ST6GALNAC3: variants seen among roughly 807,000 people sequenced by gnomAD.
ST6GALNAC3 encodes the protein alpha-N-acetylgalactosaminide alpha-2,6-sialyltransferase 3.
ST6GALNAC3 carries 25 observed loss-of-function variants against 32.7 expected under a neutral mutation model. That is an observed-to-expected ratio of 0.76 (90% confidence interval 0.56 to 1.07). The LOEUF is 1.07. Among genes scored for constraint, ST6GALNAC3 ranks in the 50% least tolerant of loss-of-function variants. The pLI is 0.00. For synonymous variants in ST6GALNAC3, 129 were observed against 133.1 expected, an observed-to-expected ratio of 0.97 and a Z score of 0.21; for missense variants, 355 against 382.4, an observed-to-expected ratio of 0.93 and a Z score of 0.60.
Position 76,628,896 on chromosome 1 carries a change from G to A in ST6GALNAC3, c.*90G>A. 1 of 1,562,190 alleles carries A rather than the reference G, an allele frequency of 6.4e-7. No homozygotes were observed. The highest frequency in any genetic ancestry group is 1.4e-5 in the African/African-American group (1 of 72,098). ...TGATGCTAATGGAGATGATGGTAAT[G>A]ATAAAGACAACAACAATGATTATCA... On this transcript the variant is annotated 3_prime_UTR_variant, in exon 5 of 5. Transcript: ENST00000328299.
In ST6GALNAC3 at chr1:76,169,788, T is replaced by G. The variant is rs144466894; in HGVS notation, c.18+94904T>G. Among the ~76,000 whole-genome samples, 620 of 152,326 alleles carry G rather than the reference T, an allele frequency of 4.1e-3. 4 individuals are homozygous for G. The highest frequency in any genetic ancestry group is 9.1e-3 in the African/African-American group (380 of 41,578). On this transcript the variant is annotated intron_variant, in intron 1 of 4. Coordinates refer to ENST00000328299, the MANE Select transcript of ST6GALNAC3 (RefSeq NM_152996.4). ...TTTGCATTATGAAATTCTTGTAGTG[T>G]GTTTTTCAGCTCTGTCAGGTTGGTT...
Position 76,627,375 on chromosome 1 carries a change from TC to T in ST6GALNAC3, c.624-76del. 4.3e-6 allele frequency: 4 copies of T among 927,654 alleles called. No individual in the cohort carries two copies. The South Asian group carries it at 6.0e-5, about 14-fold the overall frequency. The allele number at this position is 927,654 out of a possible 1,614,324, so 57.5% of individuals were successfully genotyped here. A position where few individuals can be genotyped will look rare whatever the true frequency, so the allele number is the denominator to read the frequency against. ...TGTTTTTGATGAAATGTTGCTCGTT[TC>T]TCACACACCTTATTGTTCTGTGTGT... On this transcript the variant is annotated intron_variant, in intron 3 of 4. Coordinates refer to ENST00000328299, the MANE Select transcript of ST6GALNAC3 (RefSeq NM_152996.4).
intron 3 of ST6GALNAC3, among the ~76,000 whole-genome samples, chr1:76,542,085 T>A (rs1267261805): frequency 6.6e-6 from 1 of 152,202 alleles, no homozygotes; most frequent in Non-Finnish European, 1.5e-5. Flanking sequence ...TTCCAATATG[T>A]TCAAACAATC....
chr1:76,321,149 G>A (rs890550909), intron 2 of ST6GALNAC3, among the ~76,000 whole-genome samples: 5 of 152,002 alleles, frequency 3.3e-5, no homozygotes, highest in African/African-American at 4.8e-5. Context: ...TTGAGGGGTG[G>A]GCTCATGGCC....
At chr1:76,217,084 AGGTC>A (rs1054033321) in intron 1 of ST6GALNAC3, among the ~76,000 whole-genome samples, 2 of 152,218 alleles carry the variant, frequency 1.3e-5, no homozygotes, top group Non-Finnish European at 2.9e-5. Context: ...ATCAATTCAA[AGGTC>A]TTTTAAGATG....
intron 2 of ST6GALNAC3, among the ~76,000 whole-genome samples, chr1:76,402,168 G>A (rs6667721): frequency 0.11 from 16,761 of 151,988 alleles, 1,136 homozygotes; most frequent in Admixed American, 0.17. Flanking sequence ...CTGTACTTTG[G>A]GTTTTCATTT....
chr1:76,424,625 A>T (rs1655248105), intron 3 of ST6GALNAC3, among the ~76,000 whole-genome samples: 1 of 151,998 alleles, frequency 6.6e-6, no homozygotes, highest in African/African-American at 2.4e-5. Context: ...TGCTGATTAT[A>T]TGTTAAAGCA....
chr1:76,624,724 A>G (rs1570476583), intron 3 of ST6GALNAC3, among the ~76,000 whole-genome samples: 1 of 151,894 alleles, frequency 6.6e-6, no homozygotes. Flanking sequence ...CCATTGCAAC[A>G]CCTTCCATGA....
At chr1:76,237,763 G>A (rs989840920) in intron 1 of ST6GALNAC3, among the ~76,000 whole-genome samples, 4 of 152,086 alleles carry the variant, frequency 2.6e-5, no homozygotes, top group Non-Finnish European at 4.4e-5. Context: ...AGATGGAAAC[G>A]CTGGTTTCAG....
At chr1:76,552,105 C>A (rs1460907424) in intron 3 of ST6GALNAC3, among the ~76,000 whole-genome samples, 1 of 152,188 alleles carries the variant, frequency 6.6e-6, no homozygotes, top group East Asian at 1.9e-4. Flanking sequence ...AAAAATGGCA[C>A]CTTGCTGTAG....
At chr1:76,399,846 G>A (rs1161254702) in intron 2 of ST6GALNAC3, among the ~76,000 whole-genome samples, 1 of 152,058 alleles carries the variant, frequency 6.6e-6, no homozygotes, top group Non-Finnish European at 1.5e-5. Context: ...AGGCAGTAAT[G>A]AATGGCATCT....
intron 3 of ST6GALNAC3, among the ~76,000 whole-genome samples, chr1:76,565,435 C>A (rs978987273): frequency 6.6e-6 from 1 of 152,122 alleles, no homozygotes; most frequent in Non-Finnish European, 1.5e-5. Flanking sequence ...AATTCCATGT[C>A]TTCATTTCTC....
At chr1:76,403,139 G>A (rs1023865748) in intron 2 of ST6GALNAC3, among the ~76,000 whole-genome samples, 16 of 152,086 alleles carry the variant, frequency 1.1e-4, no homozygotes, top group African/African-American at 3.6e-4. Flanking sequence ...TGAAAATTAA[G>A]AAAATTTATT....
chr1:76,627,337 A>T, intron 3 of ST6GALNAC3, 115 bp from the exon 4 acceptor site: 1 of 682,148 alleles, frequency 1.5e-6, no homozygotes, highest in Non-Finnish European at 2.6e-6. Flanking sequence ...CTTTTTCCTG[A>T]TAACAAGTGC....
At chr1:76,291,632 C>T (rs916343793) in intron 1 of ST6GALNAC3, among the ~76,000 whole-genome samples, 2 of 152,126 alleles carry the variant, frequency 1.3e-5, no homozygotes, top group African/African-American at 4.8e-5. Flanking sequence ...CCTTAAGCCT[C>T]TTTTCTAACA....
Position 76,427,241 on chromosome 1 carries a change from G to A in ST6GALNAC3, c.623+14824G>A, listed in dbSNP as rs1243363580. Among the ~76,000 whole-genome samples, 9 of 152,166 alleles carry A rather than the reference G, an allele frequency of 5.9e-5. No homozygotes were observed. The South Asian group carries it at 1.0e-3, about 18-fold the overall frequency. On this transcript the variant is annotated intron_variant, in intron 3 of 4. Coordinates refer to ENST00000328299, the MANE Select transcript of ST6GALNAC3 (RefSeq NM_152996.4). ...TGAAACTTCATTCATGGGGTCTTAT[G>A]AATCCTAGGCTAGTGTCATGTTTAC... is the stretch of plus-strand genomic sequence containing the variant.
At chr1:76,333,088 T>A (rs978178410) in intron 2 of ST6GALNAC3, among the ~76,000 whole-genome samples, 6 of 152,184 alleles carry the variant, frequency 3.9e-5, no homozygotes, top group African/African-American at 1.4e-4. Flanking sequence ...GGTGTCTCCA[T>A]GCAGGAAGAA....
intron 2 of ST6GALNAC3, among the ~76,000 whole-genome samples, chr1:76,388,172 T>A (rs1269911043): frequency 6.6e-6 from 1 of 152,162 alleles, no homozygotes; most frequent in African/African-American, 2.4e-5. Flanking sequence ...ATAACCCTAC[T>A]TTTTACTCCC....
intron 2 of ST6GALNAC3, among the ~76,000 whole-genome samples, chr1:76,330,327 A>G (rs2100956427): frequency 6.6e-6 from 1 of 152,084 alleles, no homozygotes; most frequent in African/African-American, 2.4e-5. Flanking sequence ...TAATTTTTGT[A>G]TTTTTAATAG....
Sources: allele counts gnomAD v4.1 joint callset (sites outside exome capture counted in the v4.1 genomes callset), GRCh38; gene constraint gnomAD v4.1.1; transcripts MANE v1.5; gene names NCBI Gene and HGNC (gene_info 2026-07-23, HGNC 2026-07-21).